Variants in ZZZ3 observed in about 807,000 individuals in gnomAD.
ZZZ3 encodes the protein ZZ-type zinc finger-containing protein 3.
Under a neutral mutation model 95.2 loss-of-function variants are expected in ZZZ3, and 22 were observed. The ratio of observed to expected loss-of-function variants is 0.23; its 90% CI spans 0.17 to 0.33. The LOEUF is 0.33. Ranked by LOEUF, ZZZ3 falls within the 10% of genes least tolerant of loss-of-function variation. The probability of loss-of-function intolerance (pLI) is 1.00; values close to 1 mark genes in which losing one functional copy is unlikely to be tolerated. For synonymous variants in ZZZ3, 335 were observed against 358.9 expected (o/e 0.93, Z 0.75); for missense variants, 885 against 1,066.5 (o/e 0.83, Z 2.37).
intron 5 of ZZZ3, among the ~76,000 whole-genome samples, chr1:77,630,803 AT>A (rs1227248453): frequency 2.0e-5 from 3 of 152,186 alleles, no homozygotes; most frequent in African/African-American, 7.2e-5. Flanking sequence ...GGCAAAAAAA[AT>A]ATTATGTCCC....
chr1:77,682,397 C>T (rs1672864516), intron 1 of ZZZ3, among the ~76,000 whole-genome samples, 188 bp downstream of exon 1: 1 of 152,154 alleles, frequency 6.6e-6, no homozygotes, highest in Non-Finnish European at 1.5e-5. Flanking sequence ...ACTATCACTG[C>T]GTGGGGAGAA....
chr1:77,581,858 T>C lies in ZZZ3; in HGVS notation c.1826A>G (p.Asp609Gly). The change falls in exon 8 of 15, where the codon GAT (aspartate) becomes GGT (glycine). Residue 609 changes from aspartate to glycine, a missense_variant. Around this residue, in one of 5 missense-constraint regions of ZZZ3, gnomAD observed 99 missense variants for 119.8 expected, o/e 0.83. Coordinates refer to ENST00000370801, the MANE Select transcript of ZZZ3 (RefSeq NM_015534.6). ...GLPARPKSPL[D>G]PKKDGESLSY... ...AAGGGACTCTCCATCCTTCTTAGGA[T>C]CTAAAGGACTTTTTGGTCTAGCAGG... 4.3e-6 allele frequency: 7 copies of C among 1,614,092 alleles called. No individual in the cohort carries two copies. The highest frequency in any genetic ancestry group is 5.9e-6 in the Non-Finnish European group (7 of 1,179,950).
chr1:77,633,515 A>G (rs918692378), intron 4 of ZZZ3, 110 bp from the exon 5 acceptor site: 6 of 598,582 alleles, frequency 1.0e-5, no homozygotes, highest in Non-Finnish European at 1.4e-5. Context: ...ATTACAGTCT[A>G]TAACTATCTA....
chr1:77,610,200 A>T lies in ZZZ3; in HGVS notation c.1505+21650T>A, dbSNP rs898062901. Among the ~76,000 whole-genome samples the T allele has an allele frequency of 6.2e-4, 94 of 151,834 alleles. 3 individuals carry two copies. On this transcript the variant is annotated intron_variant, in intron 5 of 14. Transcript: ENST00000370801. ...AAGTCAAAGGATCATTAGAGCAACT[A>T]ATTGCTCTAATTGGAAAATCTGGAA...
chr1:77,595,875 G>C (rs1355654920), intron 5 of ZZZ3, among the ~76,000 whole-genome samples: 1 of 151,740 alleles, frequency 6.6e-6, no homozygotes, highest in Non-Finnish European at 1.5e-5. Flanking sequence ...TAAAGAAGAG[G>C]GTATACTGAA....
chr1:77,671,302 A>T (rs988694769), intron 1 of ZZZ3, among the ~76,000 whole-genome samples: 9 of 152,182 alleles, frequency 5.9e-5, no homozygotes, highest in African/African-American at 2.2e-4. Context: ...GGTAGACAAG[A>T]TCAAAGTATT....
chr1:77,578,667 G>A (rs1464876063), intron 11 of ZZZ3, 107 bp downstream of exon 11: 4 of 610,216 alleles, frequency 6.6e-6, no homozygotes, highest in Non-Finnish European at 7.4e-6. Flanking sequence ...AGAATGAACA[G>A]AAGTTTTAAA....
At chr1:77,647,158 T>C (rs553571094) in intron 1 of ZZZ3, among the ~76,000 whole-genome samples, 4 of 152,262 alleles carry the variant, frequency 2.6e-5, no homozygotes, top group African/African-American at 7.2e-5. Context: ...TACTGACATA[T>C]CAGTGAATAA....
At chr1:77,588,665 A>G (rs1663347630) in intron 5 of ZZZ3, among the ~76,000 whole-genome samples, 1 of 152,194 alleles carries the variant, frequency 6.6e-6, no homozygotes, top group Non-Finnish European at 1.5e-5. Flanking sequence ...TAAATATCCT[A>G]CTTTTACTTT....
intron 12 of ZZZ3, among the ~76,000 whole-genome samples, chr1:77,574,704 T>G (rs1425919003): frequency 6.6e-6 from 1 of 152,214 alleles, no homozygotes; most frequent in Non-Finnish European, 1.5e-5. Context: ...AAAGAACTTA[T>G]AAGCCAACTT....
At chr1:77,638,176 T>C (rs1307913438) in intron 4 of ZZZ3, among the ~76,000 whole-genome samples, 1 of 152,152 alleles carries the variant, frequency 6.6e-6, no homozygotes, top group Non-Finnish European at 1.5e-5. Context: ...TAAATTCTCA[T>C]CCTCTTGGAG....
chr1:77,598,980 T>C (rs920711112), intron 5 of ZZZ3, among the ~76,000 whole-genome samples: 3 of 152,168 alleles, frequency 2.0e-5, no homozygotes, highest in Non-Finnish European at 1.5e-5. Context: ...ACAGCTACTA[T>C]ATATTCTTAA....
chr1:77,681,447 C>A (rs181107867), intron 1 of ZZZ3, among the ~76,000 whole-genome samples: 92 of 152,028 alleles, frequency 6.1e-4, no homozygotes, highest in African/African-American at 2.1e-3. Context: ...CTTAAGAATA[C>A]GAAAAAACAA....
At chr1:77,578,264 G>A (rs1411097549) in intron 11 of ZZZ3, among the ~76,000 whole-genome samples, 2 of 152,022 alleles carry the variant, frequency 1.3e-5, no homozygotes, top group Non-Finnish European at 2.9e-5. Flanking sequence ...TAAAGATACG[G>A]GACCTCACTA....
At chr1:77,627,840 C>G (rs368959210) in intron 5 of ZZZ3, among the ~76,000 whole-genome samples, 10 of 152,144 alleles carry the variant, frequency 6.6e-5, no homozygotes, top group African/African-American at 2.2e-4. Flanking sequence ...GACTTTTCAC[C>G]CCCTTATCTG....
At chr1:77,581,466 G>A (rs774854215) in intron 8 of ZZZ3, among the ~76,000 whole-genome samples, 12 of 151,984 alleles carry the variant, frequency 7.9e-5, no homozygotes, top group Non-Finnish European at 1.5e-4. Context: ...ACTATGTGTC[G>A]GATACTGTAC....
Position 77,586,068 on chromosome 1 carries a change from G to T in ZZZ3, c.1506-1413C>A, listed in dbSNP as rs564713376. 2.6e-5 allele frequency among the ~76,000 whole-genome samples: 4 copies of T among 152,310 alleles called. No individual in the cohort carries two copies. The South Asian group carries it at 8.3e-4, about 32-fold the overall frequency. On this transcript the variant is annotated intron_variant, in intron 5 of 14. Transcript: ENST00000370801. ...GTCACTACTGGATAAATTACAGAGG[G>T]TAAATCTAAATTCACTTTCACTAAG...
chr1:77,623,925 ACC>A (rs1014798342), intron 5 of ZZZ3, among the ~76,000 whole-genome samples: 8 of 152,158 alleles, frequency 5.3e-5, no homozygotes, highest in African/African-American at 1.9e-4. Flanking sequence ...GAAAAGTAAG[ACC>A]AAAAAAAAAG....
intron 5 of ZZZ3, among the ~76,000 whole-genome samples, chr1:77,625,366 C>T (rs1263049187): frequency 6.6e-6 from 1 of 152,076 alleles, no homozygotes; most frequent in African/African-American, 2.4e-5. Flanking sequence ...AGATAAACTC[C>T]TCAATGTATC....
Sources: allele counts gnomAD v4.1 joint callset (sites outside exome capture counted in the v4.1 genomes callset), GRCh38; gene constraint gnomAD v4.1.1; regional missense constraint gnomAD v4.1.1; transcripts MANE v1.5; gene names NCBI Gene and HGNC (gene_info 2026-07-23, HGNC 2026-07-21).